CNTNAP2: variants seen among roughly 807,000 people sequenced by gnomAD.
The protein encoded by CNTNAP2 is contactin-associated protein-like 2.
A neutral mutation model predicts 155.2 loss-of-function variants in CNTNAP2; 98 were observed. The ratio of observed to expected loss-of-function variants is 0.63; its 90% confidence interval spans 0.54 to 0.75. The LOEUF (loss-of-function observed/expected upper bound fraction) is 0.75. Ranked by LOEUF, CNTNAP2 falls within the 30% of genes least tolerant of loss-of-function variation. CNTNAP2 has a pLI of 0.00. For missense variants in CNTNAP2, 1,727 were observed against 1,688.1 expected (o/e 1.02, Z -0.40); for synonymous variants, 651 against 631.2 (o/e 1.03, Z -0.47).
At chr7:146,538,929 G>C (rs73164077) in intron 1 of CNTNAP2, among the ~76,000 whole-genome samples, 98 of 152,116 alleles carry the variant, frequency 6.4e-4, no homozygotes, top group Admixed American at 1.6e-3. Context: ...TAAGGTACTA[G>C]GTCATTTTCA....
At chr7:147,920,283 G>A (rs1216022896) in intron 14 of CNTNAP2, among the ~76,000 whole-genome samples, 1 of 145,564 alleles carries the variant, frequency 6.9e-6, no homozygotes, top group Non-Finnish European at 1.5e-5. Flanking sequence ...TTGAACCTGG[G>A]AAGTGGAGGT....
intron 15 of CNTNAP2, among the ~76,000 whole-genome samples, chr7:148,032,547 C>T (rs931130389): frequency 6.6e-6 from 1 of 152,126 alleles, no homozygotes; most frequent in African/African-American, 2.4e-5. Context: ...ACCAGAAGAA[C>T]AAAGGAGAAG....
rs138146046 is a variant in CNTNAP2 at position 147,340,074 on chromosome 7, G to C, written c.1498+39784G>C. ...GATTCCACCCTTTCTGTTTCGCTTT[G>C]GCTAATAGATCCTTTTCTAGCCTGC... On this transcript the variant is annotated intron_variant, in intron 9 of 23. Coordinates refer to ENST00000361727, the MANE Select transcript of CNTNAP2 (RefSeq NM_014141.6). Among the ~76,000 whole-genome samples, 475 of 152,158 alleles carry C rather than the reference G, an allele frequency of 3.1e-3. 5 individuals are homozygous for C. The highest frequency in any genetic ancestry group is 0.011 in the African/African-American group (440 of 41,512).
chr7:146,314,954 GT>G (rs1800883481), intron 1 of CNTNAP2, among the ~76,000 whole-genome samples: 1 of 152,184 alleles, frequency 6.6e-6, no homozygotes, highest in African/African-American at 2.4e-5. Context: ...CAGGAGTGCT[GT>G]CCCTCCCAGT....
At chr7:147,158,094 T>G (rs1023705027) in intron 8 of CNTNAP2, among the ~76,000 whole-genome samples, 2 of 152,140 alleles carry the variant, frequency 1.3e-5, no homozygotes, top group Admixed American at 6.6e-5. Flanking sequence ...TCTCGTTTCT[T>G]TGAGTTCACT....
intron 8 of CNTNAP2, among the ~76,000 whole-genome samples, chr7:147,182,085 C>T (rs1165172924): frequency 7.2e-6 from 1 of 139,272 alleles, no homozygotes; most frequent in Non-Finnish European, 1.5e-5. Flanking sequence ...GAGATCGTGC[C>T]ACTGCACCCC....
At chr7:147,991,364 G>A (rs1801707605) in intron 15 of CNTNAP2, among the ~76,000 whole-genome samples, 1 of 104 alleles carries the variant, frequency 9.6e-3, no homozygotes, top group Non-Finnish European at 0.019. Context: ...TAACAATGGA[G>A]GCAGTGCATG....
At chr7:146,589,962 A>C (rs1798756241) in intron 1 of CNTNAP2, among the ~76,000 whole-genome samples, 1 of 152,276 alleles carries the variant, frequency 6.6e-6, no homozygotes, top group Admixed American at 6.5e-5. Flanking sequence ...CTTTTGTAGA[A>C]AAAGCCTGAG....
At chr7:146,597,831 T>C (rs1273720641) in intron 1 of CNTNAP2, among the ~76,000 whole-genome samples, 2 of 152,152 alleles carry the variant, frequency 1.3e-5, no homozygotes, top group African/African-American at 4.8e-5. Flanking sequence ...TTAATTAAAC[T>C]ATGAAATAGC....
chr7:147,755,051 G>C (rs903786088), intron 13 of CNTNAP2, among the ~76,000 whole-genome samples: 8 of 152,164 alleles, frequency 5.3e-5, no homozygotes, highest in Non-Finnish European at 1.0e-4. Flanking sequence ...ATTCAAGGTT[G>C]TAAACTCTAA....
intron 13 of CNTNAP2, among the ~76,000 whole-genome samples, chr7:147,687,456 G>A (rs77437611): frequency 0.032 from 4,908 of 152,152 alleles, 218 homozygotes; most frequent in African/African-American, 0.098. Flanking sequence ...ATGAGAAAGT[G>A]TAGAAGCTTA....
chr7:147,902,814 ATGTGTG>A (rs71183034), intron 13 of CNTNAP2, among the ~76,000 whole-genome samples: 4,779 of 127,400 alleles, frequency 0.038, 135 homozygotes, highest in Non-Finnish European at 0.057. Flanking sequence ...GTGTGTGTGT[ATGTGTG>A]TGTGTGTGTG....
In CNTNAP2 at chr7:147,503,871, T is replaced by G. The variant is rs1798861634; in HGVS notation, c.1777+17830T>G. The stretch of plus-strand genomic sequence containing the variant: ...ACCTAATAGTCTTTGTTGATTAAAT[T>G]TTTCATTTTGAACACACTCTGTGGG... On this transcript the variant is annotated intron_variant, in intron 11 of 23. Coordinates refer to ENST00000361727, the MANE Select transcript of CNTNAP2 (RefSeq NM_014141.6). Among the ~76,000 whole-genome samples, 3 of 152,150 alleles carry G rather than the reference T, an allele frequency of 2.0e-5. No individual in the cohort carries two copies. The South Asian group carries it at 6.2e-4, about 32-fold the overall frequency.
rs1477729057 is a variant in CNTNAP2, at chr7:148,217,453, A to G, written c.3176A>G (p.Lys1059Arg). 1 of 1,614,106 alleles carries G rather than the reference A, an allele frequency of 6.2e-7. No individual in the cohort carries two copies. Among genetic ancestry groups the G allele is most frequent in the Non-Finnish European group, 8.5e-7 (1 of 1,180,018 alleles). Residue 1059 changes from lysine (K) to arginine (R), a missense_variant, in exon 19 of 24, where the codon AAG becomes AGG. Coordinates refer to ENST00000361727, the MANE Select transcript of CNTNAP2 (RefSeq NM_014141.6). ...ATCCGCTTCAGCTTCAGCACCACCA[A>G]GGCGCCCTGCATTCTCCTCTACATC... Reference protein sequence around the residue: ...EEIRFSFSTTKAPCILLYISS... With the variant: ...EEIRFSFSTTRAPCILLYISS...
intron 11 of CNTNAP2, among the ~76,000 whole-genome samples, chr7:147,510,850 C>CATATACATATATATATAT (rs1799003880): frequency 3.9e-5 from 3 of 76,402 alleles, no homozygotes; most frequent in African/African-American, 1.9e-4. Flanking sequence ...GGCCTACAAC[C>CATATACATATATATATAT]ATATATATAT....
At chr7:148,227,329 A>C (rs967166130) in intron 19 of CNTNAP2, among the ~76,000 whole-genome samples, 3 of 152,082 alleles carry the variant, frequency 2.0e-5, no homozygotes, top group Admixed American at 6.5e-5. Context: ...TAAAATAGGG[A>C]CGGGTTTGGA....
At chr7:146,155,401 A>C (rs1584776406) in intron 1 of CNTNAP2, among the ~76,000 whole-genome samples, 2 of 152,130 alleles carry the variant, frequency 1.3e-5, no homozygotes, top group Non-Finnish European at 2.9e-5. Context: ...TAAACAGTAA[A>C]TTCTAGAAAC....
chr7:147,083,359 G>A (rs886884157), intron 4 of CNTNAP2: 1 of 151,802 alleles, frequency 6.6e-6, no homozygotes, highest in African/African-American at 2.4e-5. Context: ...TTGGAATATG[G>A]GGAACACTGT....
At chr7:147,902,835 T>C (rs1017647485) in intron 13 of CNTNAP2, among the ~76,000 whole-genome samples, 15 of 121,648 alleles carry the variant, frequency 1.2e-4, no homozygotes, top group Non-Finnish European at 2.4e-4. Flanking sequence ...TGTGTGTGTG[T>C]GTGTGTGTAT....
Sources: allele counts gnomAD v4.1 joint callset (sites outside exome capture counted in the v4.1 genomes callset), GRCh38; gene constraint gnomAD v4.1.1; transcripts MANE v1.5; gene names NCBI Gene and HGNC (gene_info 2026-07-23, HGNC 2026-07-21).